ESR1: variants seen among roughly 807,000 people sequenced by gnomAD.
ESR1 encodes estrogen receptor.
In ESR1, 12 loss-of-function variants were observed where a neutral mutation model predicts 52.7. The observed-to-expected ratio is 0.23, with a 90% CI of 0.15 to 0.37. The LOEUF (loss-of-function observed/expected upper bound fraction) is 0.37, where lower values mean the gene tolerates loss of function less well. Among genes scored for constraint, ESR1 ranks in the 10% least tolerant of loss-of-function variants. The probability of loss-of-function intolerance (pLI) is 1.00; values close to 1 mark genes in which losing one functional copy is unlikely to be tolerated. For synonymous variants in ESR1, 305 were observed against 316.8 expected, an observed-to-expected ratio of 0.96 and a Z score of 0.39; for missense variants, 584 against 779.7, an observed-to-expected ratio of 0.75 and a Z score of 2.99.
chr6:151,728,228 A>C (rs976977387), intron 2 of ESR1, among the ~76,000 whole-genome samples: 2 of 152,298 alleles, frequency 1.3e-5, no homozygotes. Context: ...TTACCCAATA[A>C]GATTCTAAGG....
chr6:151,850,394 A>AGAGG (rs1786431800), intron 2 of ESR1, among the ~76,000 whole-genome samples: 1 of 150,876 alleles, frequency 6.6e-6, no homozygotes, highest in Non-Finnish European at 1.5e-5. Flanking sequence ...AGAGAGAGAG[A>AGAGG]GAGAGAAGAG....
intron 2 of ESR1, among the ~76,000 whole-genome samples, chr6:151,727,684 A>G (rs11963963): frequency 0.044 from 6,652 of 152,260 alleles, 500 homozygotes; most frequent in African/African-American, 0.15. Flanking sequence ...TGTAATCTCC[A>G]TAACCCCCAC....
At chr6:151,792,063 G>A (rs1373326768) in intron 2 of ESR1, among the ~76,000 whole-genome samples, 3 of 152,204 alleles carry the variant, frequency 2.0e-5, no homozygotes, top group African/African-American at 7.2e-5. Context: ...AGTACAGCCT[G>A]TTGCTCCTAG....
chr6:152,117,639 T>C (rs1022751206), intron 6 of ESR1, among the ~76,000 whole-genome samples: 1 of 152,246 alleles, frequency 6.6e-6, no homozygotes. Context: ...ATTGTTCAGC[T>C]TGTGTTACAG....
At chr6:151,871,355 C>T (rs1790932154) in intron 2 of ESR1, among the ~76,000 whole-genome samples, 1 of 151,982 alleles carries the variant, frequency 6.6e-6, no homozygotes, top group Non-Finnish European at 1.5e-5. Context: ...CATTTTTGTG[C>T]AACCGGAACT....
At chr6:151,978,511 T>C (rs1222069172) in intron 4 of ESR1, among the ~76,000 whole-genome samples, 1 of 152,044 alleles carries the variant, frequency 6.6e-6, no homozygotes, top group East Asian at 1.9e-4. Context: ...AATCCACAGA[T>C]TCAGAAACCT....
At chr6:152,044,189 A>G (rs551288582) in intron 5 of ESR1, among the ~76,000 whole-genome samples, 1 of 152,306 alleles carries the variant, frequency 6.6e-6, no homozygotes, top group East Asian at 1.9e-4. Context: ...AATCAGGAGT[A>G]TCAGATGCAT....
intron 3 of ESR1, among the ~76,000 whole-genome samples, chr6:151,909,491 A>G (rs1435772717): frequency 6.6e-6 from 1 of 152,238 alleles, no homozygotes; most frequent in African/African-American, 2.4e-5. Flanking sequence ...ACATGTAGCA[A>G]AGAATGAGCT....
intron 4 of ESR1, among the ~76,000 whole-genome samples, chr6:151,997,173 T>C (rs949896644): frequency 8.5e-5 from 13 of 152,130 alleles, no homozygotes; most frequent in Non-Finnish European, 1.8e-4. Context: ...ATCTAGTTAA[T>C]GGGGGTGGAT....
intron 3 of ESR1, among the ~76,000 whole-genome samples, chr6:151,899,578 A>G (rs1332040486): frequency 8.3e-6 from 1 of 120,366 alleles, no homozygotes; most frequent in Non-Finnish European, 1.7e-5. Context: ...CGGGGAGCTG[A>G]CCCCCCCACC....
At chr6:151,659,865 GC>G (rs942788961) in intron 1 of ESR1, among the ~76,000 whole-genome samples, 1 of 152,126 alleles carries the variant, frequency 6.6e-6, no homozygotes, top group South Asian at 2.1e-4. Flanking sequence ...AATTAAGGGG[GC>G]AAAATGTATA....
chr6:151,779,461 C>T (rs1036927736), intron 2 of ESR1, among the ~76,000 whole-genome samples: 4 of 152,050 alleles, frequency 2.6e-5, no homozygotes, highest in Non-Finnish European at 5.9e-5. Context: ...AAATGAAAAT[C>T]AAAACCACAA....
intron 1 of ESR1, among the ~76,000 whole-genome samples, chr6:151,660,480 G>C (rs1343740956): frequency 6.6e-6 from 1 of 152,140 alleles, no homozygotes; most frequent in African/African-American, 2.4e-5. Flanking sequence ...TCATGGGGTT[G>C]TTGTGAGGGT....
chr6:151,903,103 G>A (rs1330281693), intron 3 of ESR1, among the ~76,000 whole-genome samples: 1 of 152,100 alleles, frequency 6.6e-6, no homozygotes, highest in African/African-American at 2.4e-5. Flanking sequence ...ACGACAGAAT[G>A]TATTTTGTCC....
At chr6:152,006,053 G>A (rs903360755) in intron 4 of ESR1, among the ~76,000 whole-genome samples, 1 of 152,096 alleles carries the variant, frequency 6.6e-6, no homozygotes, top group Non-Finnish European at 1.5e-5. Context: ...TATTATGGCA[G>A]GGCAAAACCA....
chr6:151,933,204 C>A (rs1377364393), intron 3 of ESR1, among the ~76,000 whole-genome samples: 1 of 150,060 alleles, frequency 6.7e-6, no homozygotes, highest in Non-Finnish European at 1.5e-5. Context: ...GTATTTTATT[C>A]TCTTTGAAGC....
Position 151,715,175 on chromosome 6 carries a change from T to C in ESR1, c.-71+13170T>C, listed in dbSNP as rs537208104. 3.3e-5 allele frequency among the ~76,000 whole-genome samples: 5 copies of C among 152,332 alleles called. No homozygotes were observed. In the East Asian group the frequency reaches 9.6e-4, roughly 29 times the overall value. ...TGTTGAATATTGGCCCCCACTCTCT[T>C]CTGGCTTGCAAGGTTTCTGCAGAGT... On this transcript the variant is annotated intron_variant, in intron 2 of 2. Coordinates refer to the ESR1 transcript ENST00000404742.
intron 5 of ESR1, among the ~76,000 whole-genome samples, chr6:152,022,831 G>C (rs981751216): frequency 1.0e-3 from 154 of 151,792 alleles, no homozygotes; most frequent in African/African-American, 3.4e-3. Context: ...TTAAAAATTA[G>C]CCGGGCTTGG....
intron 2 of ESR1, among the ~76,000 whole-genome samples, chr6:151,793,774 G>A (rs1776434878): frequency 6.6e-6 from 1 of 152,136 alleles, no homozygotes; most frequent in Non-Finnish European, 1.5e-5. Flanking sequence ...AGTGTGCTAG[G>A]GGCTGGAAGT....
Sources: gnomAD v4.1 joint callset for allele counts (sites outside exome capture counted in the v4.1 genomes callset) on GRCh38, gnomAD v4.1.1 for gene constraint, MANE v1.5 for transcripts, NCBI Gene and HGNC (gene_info 2026-07-23, HGNC 2026-07-21) for gene names.